Variants in BHMT2 observed in about 807,000 individuals in gnomAD.
BHMT2 encodes betaine--homocysteine S-methyltransferase 2, also known as S-methylmethionine--homocysteine S-methyltransferase BHMT2.
A neutral mutation model predicts 39.0 loss-of-function variants in BHMT2; 28 were observed. The observed-to-expected ratio is 0.72, with a 90% CI of 0.53 to 0.98. BHMT2 has a LOEUF of 0.98. BHMT2 is among the 50% of genes least tolerant of loss of function. The pLI is 0.00. For missense variants in BHMT2, 410 were observed against 455.6 expected (o/e 0.90, Z 0.91); for synonymous variants, 145 against 160.6 (o/e 0.90, Z 0.74).
At chr5:79,077,711 G>A in intron 2 of BHMT2, 99 bp downstream of exon 2, 1 of 1,440,378 alleles carries the variant, frequency 6.9e-7, no homozygotes, top group East Asian at 2.3e-5. Flanking sequence ...TTTCAAAGGG[G>A]TGTTTTGCTT....
chr5:79,085,570 A>G (rs1032048634), intron 7 of BHMT2, among the ~76,000 whole-genome samples: 1 of 152,020 alleles, frequency 6.6e-6, no homozygotes, highest in Non-Finnish European at 1.5e-5. Context: ...AATCCCAACT[A>G]CTCGGGAGGC....
Position 79,088,624 on chromosome 5 carries a change from T to A in BHMT2, c.*50T>A. 6.5e-7 allele frequency: 1 copy of A among 1,528,672 alleles called. No homozygotes were observed. Among genetic ancestry groups the A allele is most frequent in the Non-Finnish European group, 9.0e-7 (1 of 1,106,126 alleles). The allele number at this position is 1,528,672 out of a possible 1,614,324, so 94.7% of individuals were successfully genotyped here. A position where few individuals can be genotyped will look rare whatever the true frequency, so the allele number is the denominator to read the frequency against. ...ATAATCGAACAGGAAAAAGTTGCCC[T>A]CAAGCCTGACCTGGAACCGTTCCTC... On this transcript the variant is annotated 3_prime_UTR_variant, in exon 8 of 8. Transcript: ENST00000255192.
chr5:79,088,566 G>T lies in BHMT2; in HGVS notation c.1084G>T (p.Asp362Tyr). Residue 362 changes from aspartate (D) to tyrosine (Y), a missense_variant, in exon 8 of 8, where the codon GAC (aspartate) becomes TAC (tyrosine). Transcript: ENST00000255192. ...TTTCTGTCCTTCGCTGTCAAAGCCA[G>T]ACTTCTAAGGAGTAGTGAAAGAAAA... ...RPFCPSLSKP[D>Y]F is the part of the protein sequence containing the mutation. 1 of 1,613,726 alleles carries T rather than the reference G, an allele frequency of 6.2e-7. No individual in the cohort carries two copies.
intron 7 of BHMT2, among the ~76,000 whole-genome samples, chr5:79,084,629 TATC>T (rs1328573428): frequency 3.9e-5 from 6 of 152,240 alleles, no homozygotes; most frequent in Admixed American, 1.3e-4. Flanking sequence ...CACCCCCTAA[TATC>T]ATCACACTGG....
At chr5:79,077,302 C>A (rs1381725477) in intron 1 of BHMT2, among the ~76,000 whole-genome samples, 178 bp from the exon 2 acceptor site, 2 of 152,078 alleles carry the variant, frequency 1.3e-5, no homozygotes, top group Non-Finnish European at 2.9e-5. Context: ...AAAATAGGAA[C>A]CTGGATCGGC....
rs1755990377 is a variant in BHMT2, at chr5:79,090,005, T to A, written c.*1431T>A. 6.6e-6 allele frequency among the ~76,000 whole-genome samples: 1 copy of A among 152,236 alleles called. No individual in the cohort carries two copies. Among genetic ancestry groups the A allele is most frequent in the South Asian group, 2.1e-4 (1 of 4,830 alleles). Reference sequence around the variant, plus strand: ...TCTTATGTTTGTGTTATTTCATGTGTGCCAGTTTCTCTTTTTTTCACAACA... The same window carrying A: ...TCTTATGTTTGTGTTATTTCATGTGAGCCAGTTTCTCTTTTTTTCACAACA... On this transcript the variant is annotated 3_prime_UTR_variant, in exon 8 of 8. Transcript: ENST00000255192.
In BHMT2 at chr5:79,089,359, G is replaced by A. The variant is rs1755973621; in HGVS notation, c.*785G>A. On this transcript the variant is annotated 3_prime_UTR_variant, in exon 8 of 8. Coordinates refer to ENST00000255192, the MANE Select transcript of BHMT2 (RefSeq NM_017614.5). The stretch of plus-strand genomic sequence containing the variant: ...CCAGCTACTCGGGAGGCTGAGGCAG[G>A]AGAATCGCTTGAACCCAGGAGGCGG... The A allele has an allele frequency of 6.6e-6, 1 of 151,674 alleles. No homozygotes were observed. Among genetic ancestry groups the A allele is most frequent in the Non-Finnish European group, 1.5e-5 (1 of 68,090 alleles). The allele number at this position is 151,674 out of a possible 1,614,324, so 9.4% of individuals were successfully genotyped here.
At chr5:79,075,294 G>T (rs964313463) in intron 1 of BHMT2, among the ~76,000 whole-genome samples, 1 of 152,086 alleles carries the variant, frequency 6.6e-6, no homozygotes, top group African/African-American at 2.4e-5. Context: ...ACAAACAGTG[G>T]CTTTCCTCTT....
chr5:79,070,351 C>T (rs894117672), intron 1 of BHMT2, among the ~76,000 whole-genome samples: 4 of 152,134 alleles, frequency 2.6e-5, no homozygotes, highest in Admixed American at 1.3e-4. Flanking sequence ...CCCAGAGCTG[C>T]GGTGCAGGGT....
chr5:79,074,305 C>T (rs888588598), intron 1 of BHMT2, among the ~76,000 whole-genome samples: 2 of 152,248 alleles, frequency 1.3e-5, no homozygotes, highest in East Asian at 1.9e-4. Flanking sequence ...TCATGCCATT[C>T]GATGGAGATT....
intron 1 of BHMT2, among the ~76,000 whole-genome samples, chr5:79,072,780 G>C (rs1444170513): frequency 6.6e-6 from 1 of 152,150 alleles, no homozygotes; most frequent in South Asian, 2.1e-4. Flanking sequence ...TCAGAGTAGG[G>C]CTGGAGAGAA....
rs774104136 is a variant in BHMT2, at chr5:79,083,682, C to T, written c.836C>T (p.Ala279Val). 2 of 1,614,058 alleles carry T rather than the reference C, an allele frequency of 1.2e-6. No individual in the cohort carries two copies. The highest frequency in any genetic ancestry group is 1.7e-6 in the Non-Finnish European group (2 of 1,180,004). ...RWDIQKYARE[A>V]YNLGVRYIGG... Reference sequence around the variant, plus strand: ...GATATTCAAAAATACGCCAGAGAGGCCTACAACCTGGGGGTCAGGTACATT... The same window carrying T: ...GATATTCAAAAATACGCCAGAGAGGTCTACAACCTGGGGGTCAGGTACATT... The change falls in exon 7 of 8, where the codon GCC becomes GTC. Residue 279 changes from alanine (A) to valine (V), a missense_variant. Coordinates refer to ENST00000255192, the MANE Select transcript of BHMT2 (RefSeq NM_017614.5).
In BHMT2 at chr5:79,088,634, C is replaced by A. The variant is rs1461313906; in HGVS notation, c.*60C>A. ...AGGAAAAAGTTGCCCTCAAGCCTGA[C>A]CTGGAACCGTTCCTCACCTTCATCC... On this transcript the variant is annotated 3_prime_UTR_variant, in exon 8 of 8. Coordinates refer to ENST00000255192, the MANE Select transcript of BHMT2 (RefSeq NM_017614.5). 6.4e-6 allele frequency: 9 copies of A among 1,414,186 alleles called. No individual in the cohort carries two copies. Among genetic ancestry groups the A allele is most frequent in the African/African-American group, 5.7e-5 (4 of 70,546 alleles). 87.6% of individuals were successfully genotyped at this position (1,414,186 alleles called of 1,614,324 possible). A position where few individuals can be genotyped will look rare whatever the true frequency, so the allele number is the denominator to read the frequency against.
intron 1 of BHMT2, among the ~76,000 whole-genome samples, chr5:79,071,433 G>A (rs1231156137): frequency 6.6e-6 from 1 of 152,208 alleles, no homozygotes; most frequent in East Asian, 1.9e-4. Flanking sequence ...GTCTTACGTA[G>A]TGATATCTGC....
At chr5:79,086,676 G>A (rs574137832) in intron 7 of BHMT2, among the ~76,000 whole-genome samples, 1 of 152,066 alleles carries the variant, frequency 6.6e-6, no homozygotes, top group African/African-American at 2.4e-5. Context: ...CATTCCCGTG[G>A]ATATATTGTC....
chr5:79,073,822 T>G (rs1229816480), intron 1 of BHMT2, among the ~76,000 whole-genome samples: 2 of 152,156 alleles, frequency 1.3e-5, no homozygotes, highest in African/African-American at 4.8e-5. Context: ...GACCTGGTAT[T>G]TACCTCTAGT....
Position 79,083,235 on chromosome 5 carries a change from C to T in BHMT2, c.642C>T (p.Thr214=). ...VGVNCRFGPD[T]SLKTMELMKE... is the part of the protein sequence containing the mutation. The stretch of plus-strand genomic sequence containing the variant: ...TGAACTGCCGCTTTGGGCCCGACAC[C>T]AGCTTGAAGACGATGGAGCTCATGA... Residue 214 remains threonine, a synonymous_variant, in exon 6 of 8, where the codon ACC becomes ACT. Coordinates refer to ENST00000255192, the MANE Select transcript of BHMT2 (RefSeq NM_017614.5). The T allele has an allele frequency of 6.2e-7, 1 of 1,614,138 alleles. No homozygotes were observed. The highest frequency in any genetic ancestry group is 2.2e-5 in the East Asian group (1 of 44,878).
In BHMT2 at chr5:79,077,539, T is replaced by A. The variant is rs780410336; in HGVS notation, c.93T>A (p.Ile31=). The change falls in exon 2 of 8, where the codon ATT becomes ATA. Residue 31 remains isoleucine, a synonymous_variant. Coordinates refer to ENST00000255192, the MANE Select transcript of BHMT2 (RefSeq NM_017614.5). ...TGATTGGAGATGGCAGCTTTCTCAT[T>A]ACTCTGGAGAAGAGAGGCTATGTGA... is the stretch of plus-strand genomic sequence containing the variant. ...EVVIGDGSFL[I]TLEKRGYVKA... is the part of the protein sequence containing the mutation. 2 of 1,613,856 alleles carry A rather than the reference T, an allele frequency of 1.2e-6. No individual in the cohort carries two copies. The highest frequency in any genetic ancestry group is 1.7e-6 in the Non-Finnish European group (2 of 1,179,978).
In BHMT2 at chr5:79,080,742, G is replaced by A. The variant is rs1280486444; in HGVS notation, c.314G>A (p.Gly105Asp). The change falls in exon 4 of 8, where the codon GGT becomes GAT. Residue 105 changes from glycine to aspartate, a missense_variant. By Grantham distance (94) the Gly-to-Asp change is moderately conservative (BLOSUM62 -1). Coordinates refer to ENST00000255192, the MANE Select transcript of BHMT2 (RefSeq NM_017614.5). The part of the protein sequence containing the change: ...CDLAREVAGK[G>D]DALVAGGICQ... ...CTCGCCAGGGAAGTGGCTGGCAAAG[G>A]TGATGCTTTGGTAGCAGGGGGGATC... 2 of 1,603,748 alleles carry A rather than the reference G, an allele frequency of 1.2e-6. No individual in the cohort carries two copies. The highest frequency in any genetic ancestry group is 2.3e-5 in the East Asian group (1 of 44,048).
Sources: allele counts gnomAD v4.1 joint callset (sites outside exome capture counted in the v4.1 genomes callset), GRCh38; gene constraint gnomAD v4.1.1; transcripts MANE v1.5; gene names NCBI Gene and HGNC (gene_info 2026-07-23, HGNC 2026-07-21).